The following MAN1A2 variants were observed in gnomAD, a reference collection of about 807,000 sequenced individuals.
The protein encoded by MAN1A2 is mannosyl-oligosaccharide 1,2-alpha-mannosidase IB.
In MAN1A2, 26 loss-of-function variants were observed where a neutral mutation model predicts 75.7. That is an observed-to-expected ratio of 0.34 (90% confidence interval 0.25 to 0.48). The LOEUF (loss-of-function observed/expected upper bound fraction) is 0.48. MAN1A2 is among the 20% of genes least tolerant of loss of function. The pLI, the probability that MAN1A2 is intolerant of heterozygous loss-of-function variation, is 0.99. For synonymous variants in MAN1A2, 247 were observed against 264.6 expected, an observed-to-expected ratio of 0.93 and a Z score of 0.65; for missense variants, 562 against 775.5, an observed-to-expected ratio of 0.72 and a Z score of 3.27.
chr1:117,395,835 C>T (rs1653885162), intron 1 of MAN1A2, among the ~76,000 whole-genome samples: 1 of 152,136 alleles, frequency 6.6e-6, no homozygotes, highest in South Asian at 2.1e-4. Flanking sequence ...GAGGGCTCCC[C>T]AGACCACCCT....
intron 6 of MAN1A2, 109 bp from the exon 7 acceptor site, chr1:117,460,380 C>T: frequency 4.7e-6 from 3 of 638,064 alleles, no homozygotes; most frequent in Non-Finnish European, 5.2e-6. Context: ...GCTATCGTGT[C>T]AGATATAATA....
At chr1:117,492,378 A>T (rs1452632275) in intron 8 of MAN1A2, among the ~76,000 whole-genome samples, 1 of 152,076 alleles carries the variant, frequency 6.6e-6, no homozygotes, top group Non-Finnish European at 1.5e-5. Flanking sequence ...GCCTCAGATC[A>T]TTTGCATTTT....
At chr1:117,420,751 A>G in intron 5 of MAN1A2, 102 bp downstream of exon 5, 1 of 839,910 alleles carries the variant, frequency 1.2e-6, no homozygotes, top group East Asian at 2.6e-5. Flanking sequence ...CTAAATTGGT[A>G]ATATTGAACC....
At chr1:117,402,489 G>T in intron 2 of MAN1A2, 48 bp downstream of exon 2, 1 of 1,484,122 alleles carries the variant, frequency 6.7e-7, no homozygotes. Flanking sequence ...ATTTGTATTT[G>T]GATACAAACA....
At chr1:117,389,046 A>G (rs1557930153) in intron 1 of MAN1A2, among the ~76,000 whole-genome samples, 1 of 152,178 alleles carries the variant, frequency 6.6e-6, no homozygotes, top group South Asian at 2.1e-4. Flanking sequence ...TATGGTGATC[A>G]GAAATCCACT....
chr1:117,472,294 A>G (rs1650185057), intron 8 of MAN1A2, among the ~76,000 whole-genome samples: 1 of 152,080 alleles, frequency 6.6e-6, no homozygotes, highest in Non-Finnish European at 1.5e-5. Flanking sequence ...TCTCTCTTGC[A>G]ACCACCTGTT....
intron 6 of MAN1A2, 30 bp downstream of exon 6, chr1:117,442,355 A>G (rs1649064763): frequency 6.9e-7 from 1 of 1,443,368 alleles, no homozygotes; most frequent in Non-Finnish European, 9.7e-7. Flanking sequence ...CTTATTCTGG[A>G]AGAATTATTT....
chr1:117,378,708 C>T (rs1054687066), intron 1 of MAN1A2, among the ~76,000 whole-genome samples: 41 of 152,148 alleles, frequency 2.7e-4, no homozygotes, highest in African/African-American at 9.4e-4. Context: ...TGCATCTTAA[C>T]AAACCATGAT....
chr1:117,442,343 T>C lies in MAN1A2; in HGVS notation c.950+18T>C, dbSNP rs769533774. 2 of 1,491,510 alleles carry C rather than the reference T, an allele frequency of 1.3e-6. No individual in the cohort carries two copies. Among genetic ancestry groups the C allele is most frequent in the Non-Finnish European group, 1.9e-6 (2 of 1,069,006 alleles). The allele number at this position is 1,491,510 out of a possible 1,614,324, so 92.4% of individuals were successfully genotyped here. A position where few individuals can be genotyped will look rare whatever the true frequency, so the allele number is the denominator to read the frequency against. ...TTGAAAAGGTAACTCTATGTGGGTA[T>C]TCTTATTCTGGAAGAATTATTTTGA... On this transcript the variant is annotated intron_variant, in intron 6 of 12. Transcript: ENST00000356554.
At chr1:117,500,889 G>A (rs564966423) in intron 11 of MAN1A2, among the ~76,000 whole-genome samples, 1 of 151,864 alleles carries the variant, frequency 6.6e-6, no homozygotes, top group African/African-American at 2.4e-5. Context: ...CGTAAATTAA[G>A]CACTCTTTCA....
intron 1 of MAN1A2, among the ~76,000 whole-genome samples, chr1:117,390,276 G>A (rs1400993230): frequency 4.6e-5 from 7 of 151,724 alleles, no homozygotes; most frequent in Admixed American, 3.9e-4. Context: ...TTTTCTTTGT[G>A]GAGAGGTTTT....
intron 1 of MAN1A2, among the ~76,000 whole-genome samples, chr1:117,387,229 A>AAC (rs1553230079): frequency 6.6e-6 from 1 of 151,950 alleles, no homozygotes; most frequent in African/African-American, 2.4e-5. Context: ...AAAAAAAAAA[A>AAC]AAAAAACAAA....
intron 5 of MAN1A2, among the ~76,000 whole-genome samples, chr1:117,429,594 C>T: frequency 8.5e-6 from 1 of 117,246 alleles, no homozygotes; most frequent in South Asian, 2.9e-4. Context: ...ACCCCCCCAC[C>T]TCCCTCCCGG....
At chr1:117,503,021 GTGATCACTAGA>G in intron 12 of MAN1A2, 51 bp downstream of exon 12, 1 of 907,968 alleles carries the variant, frequency 1.1e-6, no homozygotes, top group Non-Finnish European at 1.7e-6. Context: ...GTTTTGCTGT[GTGATCACTAGA>G]TGATGAATTA....
At chr1:117,462,247 G>A (rs1006923251) in intron 7 of MAN1A2, among the ~76,000 whole-genome samples, 3 of 151,818 alleles carry the variant, frequency 2.0e-5, no homozygotes, top group Non-Finnish European at 2.9e-5. Context: ...TCCATTATTC[G>A]GTATGTACAT....
At chr1:117,385,247 CT>C (rs1277718423) in intron 1 of MAN1A2, among the ~76,000 whole-genome samples, 1 of 152,170 alleles carries the variant, frequency 6.6e-6, no homozygotes, top group East Asian at 1.9e-4. Context: ...AGGAGGGCAT[CT>C]TTCCAGTAGT....
intron 3 of MAN1A2, among the ~76,000 whole-genome samples, chr1:117,414,040 C>G (rs1647908225): frequency 2.0e-5 from 3 of 151,690 alleles, no homozygotes; most frequent in Admixed American, 1.3e-4. Flanking sequence ...TTCTCTCTTG[C>G]TTTCTTCCCC....
rs1236130964 is a variant in MAN1A2 at position 117,430,273 on chromosome 1, C to A, written c.855+9624C>A. On this transcript the variant is annotated intron_variant, in intron 5 of 12. Coordinates refer to ENST00000356554, the MANE Select transcript of MAN1A2 (RefSeq NM_006699.5). ...AGGCGGGGGGCTGAACCCCCCACCT[C>A]CCTCCCGGATGGGGCGGCTGGTCGG... is the stretch of plus-strand genomic sequence containing the variant. Among the ~76,000 whole-genome samples, 3 of 134,556 alleles carry A rather than the reference C, an allele frequency of 2.2e-5. No individual in the cohort carries two copies. The East Asian group carries it at 6.4e-4, about 29-fold the overall frequency. The allele number at this position is 134,556 out of a possible 152,430, so 88.3% of individuals were successfully genotyped here.
chr1:117,435,839 C>T (rs2101804294), intron 5 of MAN1A2, among the ~76,000 whole-genome samples: 1 of 152,274 alleles, frequency 6.6e-6, no homozygotes, highest in East Asian at 1.9e-4. Context: ...GGGCGGATCA[C>T]CTGAGGCTGG....
Sources: gnomAD v4.1 joint callset for allele counts (sites outside exome capture counted in the v4.1 genomes callset) on GRCh38, gnomAD v4.1.1 for gene constraint, MANE v1.5 for transcripts, NCBI Gene and HGNC (gene_info 2026-07-23, HGNC 2026-07-21) for gene names.